Variants in UGT1A8 observed in about 807,000 individuals in gnomAD.
UGT1A8 encodes UDP-glucuronosyltransferase 1A8.
In UGT1A8, 39 loss-of-function variants were observed where a neutral mutation model predicts 45.3. That is an observed-to-expected ratio of 0.86 (90% CI 0.67 to 1.12). UGT1A8 has a LOEUF of 1.12. Among genes scored for constraint, UGT1A8 ranks in the 50% most tolerant of loss-of-function variants. The pLI, the probability that UGT1A8 is intolerant of heterozygous loss-of-function variation, is 0.00. For missense variants in UGT1A8, 719 were observed against 664.9 expected (o/e 1.08, Z -0.90); for synonymous variants, 275 against 249.2 (o/e 1.10, Z -0.97).
Position 233,768,325 on chromosome 2 carries a change from A to G in UGT1A8, c.1181A>G (p.Gln394Arg). 2.5e-6 allele frequency: 4 copies of G among 1,614,222 alleles called. No homozygotes were observed. The highest frequency in any genetic ancestry group is 3.4e-6 in the Non-Finnish European group (4 of 1,180,032). ...PMVMMPLFGDQMDNAKRMETK... is the reference protein window; with the variant it reads ...PMVMMPLFGDRMDNAKRMETK... ...GTGATGATGCCCTTGTTTGGTGATCAGATGGACAATGCAAAGCGCATGGAG... is the reference window on the plus strand; with the variant it reads ...GTGATGATGCCCTTGTTTGGTGATCGGATGGACAATGCAAAGCGCATGGAG... The change falls in exon 4 of 5, where the codon CAG becomes CGG. Residue 394 changes from glutamine (Q) to arginine (R), a missense_variant. Physicochemically the swap from Gln to Arg is conservative, Grantham distance 43 (BLOSUM62 1). Coordinates refer to ENST00000373450, the MANE Select transcript of UGT1A8 (RefSeq NM_019076.5).
rs1338074257 is a variant in UGT1A8 at position 233,772,677 on chromosome 2, A to G, written c.*118A>G. On this transcript the variant is annotated 3_prime_UTR_variant, in exon 5 of 5. Transcript: ENST00000373450. ...ATTAAGGAAATACTTTGCATAAATTAATCAGCCCCAGAGTGCTTTAAAAAA... is the reference window on the plus strand; with the variant it reads ...ATTAAGGAAATACTTTGCATAAATTGATCAGCCCCAGAGTGCTTTAAAAAA... 14 of 1,531,978 alleles carry G rather than the reference A, an allele frequency of 9.1e-6. No homozygotes were observed. The highest frequency in any genetic ancestry group is 1.1e-5 in the Non-Finnish European group (13 of 1,142,190). 94.9% of individuals were successfully genotyped at this position (1,531,978 alleles called of 1,614,324 possible).
At chr2:233,680,212 A>G (rs945771439) in intron 1 of UGT1A8, among the ~76,000 whole-genome samples, 1 of 152,154 alleles carries the variant, frequency 6.6e-6, no homozygotes, top group Non-Finnish European at 1.5e-5. Context: ...TGCACTTTAT[A>G]GTCCCATGGT....
chr2:233,729,269 T>C, intron 1 of UGT1A8: 1 of 1,614,208 alleles, frequency 6.2e-7, no homozygotes, highest in Non-Finnish European at 8.5e-7. Context: ...CGGGAGGTCT[T>C]GCGGGAGCTC....
At chr2:233,768,945 T>C (rs1365506143) in intron 4 of UGT1A8, among the ~76,000 whole-genome samples, 1 of 152,204 alleles carries the variant, frequency 6.6e-6, no homozygotes, top group Admixed American at 6.5e-5. Context: ...TTCTTTAGTT[T>C]CTATATAATT....
Position 233,710,873 on chromosome 2 carries a change from A to C in UGT1A8, c.856-56161A>C, listed in dbSNP as rs78642251. ...TGTTTCTATGTTTTTTAAAAAAGTT[A>C]AACAGTTTAAGTTTGTAGGTTTGGG... On this transcript the variant is annotated intron_variant, in intron 1 of 4. Coordinates refer to ENST00000373450, the MANE Select transcript of UGT1A8 (RefSeq NM_019076.5). 4.5e-4 allele frequency among the ~76,000 whole-genome samples: 69 copies of C among 152,350 alleles called. No homozygotes were observed. In the East Asian group the frequency reaches 0.012, roughly 27 times the overall value.
intron 1 of UGT1A8, among the ~76,000 whole-genome samples, chr2:233,632,847 G>A (rs1296528820): frequency 6.6e-6 from 1 of 152,034 alleles, no homozygotes; most frequent in African/African-American, 2.4e-5. Flanking sequence ...TGATTGCCCT[G>A]GCCAGAACTT....
intron 1 of UGT1A8, among the ~76,000 whole-genome samples, chr2:233,683,302 A>G (rs2074626925): frequency 6.6e-6 from 1 of 152,108 alleles, no homozygotes; most frequent in South Asian, 2.1e-4. Context: ...TTACAGGTCA[A>G]TGCATACAGA....
intron 1 of UGT1A8, among the ~76,000 whole-genome samples, chr2:233,714,963 A>T (rs1575508656): frequency 6.6e-6 from 1 of 151,772 alleles, no homozygotes; most frequent in South Asian, 2.1e-4. Context: ...TGCAACCTCC[A>T]CCTCCCAGGT....
chr2:233,748,148 C>A, intron 1 of UGT1A8: 1 of 1,604,918 alleles, frequency 6.2e-7, no homozygotes, highest in Non-Finnish European at 8.5e-7. Context: ...TATTTACTTA[C>A]AATTGCTTCC....
chr2:233,726,266 G>A (rs1303281171), intron 1 of UGT1A8, among the ~76,000 whole-genome samples: 5 of 152,134 alleles, frequency 3.3e-5, no homozygotes, highest in East Asian at 1.9e-4. Context: ...AGTGGCATGC[G>A]CCTATGGTCC....
In UGT1A8 at chr2:233,685,559, A is replaced by G. The variant is rs184912904; in HGVS notation, c.855+66997A>G. Among the ~76,000 whole-genome samples, 5 of 152,332 alleles carry G rather than the reference A, an allele frequency of 3.3e-5. No homozygotes were observed. The East Asian group carries it at 7.7e-4, about 24-fold the overall frequency. The stretch of plus-strand genomic sequence containing the variant: ...CGCATTCTGTTTTTGATCCAAATTC[A>G]AATTTACCTGTTACTGGGCAAGCCC... On this transcript the variant is annotated intron_variant, in intron 1 of 4. Transcript: ENST00000373450.
At chr2:233,644,742 G>T (rs1173543105) in intron 1 of UGT1A8, among the ~76,000 whole-genome samples, 1 of 151,774 alleles carries the variant, frequency 6.6e-6, no homozygotes, top group Admixed American at 6.5e-5. Context: ...TGTGGGTTCA[G>T]GGGGTTGGGT....
intron 1 of UGT1A8, chr2:233,753,403 T>C (rs149143287): frequency 6.6e-6 from 1 of 152,326 alleles, no homozygotes; most frequent in East Asian, 1.9e-4. Flanking sequence ...CTAGAGCATA[T>C]CCAAACCCAT....
intron 1 of UGT1A8, among the ~76,000 whole-genome samples, chr2:233,701,055 T>G (rs904077484): frequency 6.6e-6 from 1 of 152,218 alleles, no homozygotes; most frequent in Non-Finnish European, 1.5e-5. Context: ...GAACTCATAA[T>G]TTTTTATGGC....
In UGT1A8 at chr2:233,712,997, C is replaced by T; in HGVS notation, c.856-54037C>T. ...TGTCGGTGGCTTCTGCTGAGATGGC[C>T]ACAGGACTCCAGGTTCCCCTGCCGC... On this transcript the variant is annotated intron_variant, in intron 1 of 4. Transcript: ENST00000373450. The T allele has an allele frequency of 1.9e-6, 3 of 1,613,428 alleles. No individual in the cohort carries two copies. In the East Asian group the frequency reaches 6.7e-5, roughly 36 times the overall value.
intron 1 of UGT1A8, among the ~76,000 whole-genome samples, chr2:233,624,414 T>C (rs916586495): frequency 1.3e-5 from 2 of 152,120 alleles, no homozygotes; most frequent in African/African-American, 4.8e-5. Flanking sequence ...AGGTTTTTAG[T>C]AGGAAGATGC....
rs17868329 is a variant in UGT1A8, at chr2:233,698,474, A to G, written c.856-68560A>G. ...CATAGAAAATGAAGCCCTGATTTAT[A>G]GCTTAAAAATGCAGTCCTCATTAGG... On this transcript the variant is annotated intron_variant, in intron 1 of 4. Coordinates refer to ENST00000373450, the MANE Select transcript of UGT1A8 (RefSeq NM_019076.5). 6.7e-3 allele frequency among the ~76,000 whole-genome samples: 1,014 copies of G among 152,374 alleles called. 5 individuals are homozygous for G. The highest frequency in any genetic ancestry group is 0.012 in the Non-Finnish European group (789 of 68,030).
At chr2:233,668,105 T>A (rs192564367) in intron 1 of UGT1A8, among the ~76,000 whole-genome samples, 51 of 152,226 alleles carry the variant, frequency 3.4e-4, no homozygotes, top group Admixed American at 2.4e-3. Context: ...GTGCACAACA[T>A]GCAGGTTTGT....
At chr2:233,736,824 C>G (rs1056780594) in intron 1 of UGT1A8, among the ~76,000 whole-genome samples, 5 of 152,198 alleles carry the variant, frequency 3.3e-5, no homozygotes, top group African/African-American at 1.2e-4. Flanking sequence ...TCCAGATGCT[C>G]TTTGCTTTGG....
Sources: allele counts gnomAD v4.1 joint callset (sites outside exome capture counted in the v4.1 genomes callset), GRCh38; gene constraint gnomAD v4.1.1; transcripts MANE v1.5; gene names NCBI Gene and HGNC (gene_info 2026-07-23, HGNC 2026-07-21).